The following CD300LF variants were observed in gnomAD, a reference collection of about 807,000 sequenced individuals.
CD300LF encodes CMRF35-like molecule 1.
A neutral mutation model predicts 32.2 loss-of-function variants in CD300LF; 27 were observed. The observed-to-expected ratio is 0.84, with a 90% CI of 0.62 to 1.15. The LOEUF (loss-of-function observed/expected upper bound fraction) is 1.15. Among genes scored for constraint, CD300LF ranks in the 50% most tolerant of loss-of-function variants. CD300LF has a pLI of 0.00. For missense variants in CD300LF, 348 were observed against 356.8 expected (o/e 0.98, Z 0.20); for synonymous variants, 139 against 143.2 (o/e 0.97, Z 0.21).
At chr17:74,712,199 G>T (rs2034013167) in intron 1 of CD300LF, among the ~76,000 whole-genome samples, 1 of 151,934 alleles carries the variant, frequency 6.6e-6, no homozygotes, top group African/African-American at 2.4e-5. Context: ...TCTTTCCCTG[G>T]CCTCCCTTCA....
chr17:74,701,878 G>A (rs1258191838), intron 3 of CD300LF, among the ~76,000 whole-genome samples: 1 of 151,198 alleles, frequency 6.6e-6, no homozygotes, highest in Non-Finnish European at 1.5e-5. Flanking sequence ...AATTAGCTGG[G>A]TGTGGTGGTG....
At chr17:74,708,824 A>C (rs2143870861) in intron 1 of CD300LF, among the ~76,000 whole-genome samples, 1 of 150,434 alleles carries the variant, frequency 6.6e-6, no homozygotes, top group Non-Finnish European at 1.5e-5. Flanking sequence ...CTGAGGCAGG[A>C]GAATGACGTG....
rs767379262 is a variant in CD300LF, at chr17:74,695,765, G to A, written c.677C>T (p.Ser226Phe). ...SPQKATTKLS[S>F]AQVDQVEVEY... ...CACTTCCACCTGGTCAACCTGGGCA[G>A]AGGAAAGCTTCGTGGTAGCCTTTTG... is the stretch of plus-strand genomic sequence containing the variant. The change falls in exon 6 of 7, where the codon TCT becomes TTT. Residue 226 changes from serine to phenylalanine, a missense_variant. Transcript: ENST00000326165. 1.2e-6 allele frequency: 2 copies of A among 1,614,210 alleles called. No homozygotes were observed. The highest frequency in any genetic ancestry group is 1.1e-5 in the South Asian group (1 of 91,092).
At chr17:74,711,091 AT>A (rs1243058470) in intron 1 of CD300LF, among the ~76,000 whole-genome samples, 1 of 151,936 alleles carries the variant, frequency 6.6e-6, no homozygotes, top group Non-Finnish European at 1.5e-5. Context: ...CCGGATGGGT[AT>A]TTTTTTTCTT....
intron 1 of CD300LF, among the ~76,000 whole-genome samples, chr17:74,706,722 G>A (rs546442739): frequency 4.1e-4 from 62 of 152,232 alleles, no homozygotes; most frequent in African/African-American, 1.4e-3. Flanking sequence ...ACAACCAACG[G>A]CGCGGACAGA....
At chr17:74,703,014 G>A (rs370787562) in intron 3 of CD300LF, 21 bp downstream of exon 3, 7 of 1,598,888 alleles carry the variant, frequency 4.4e-6, no homozygotes, top group Non-Finnish European at 6.0e-6. Context: ...GTAGGCCACA[G>A]TGGAACCAGA....
At chr17:74,708,285 T>A (rs1056908660) in intron 1 of CD300LF, among the ~76,000 whole-genome samples, 3 of 152,194 alleles carry the variant, frequency 2.0e-5, no homozygotes, top group African/African-American at 7.2e-5. Context: ...TGTTTAAAAC[T>A]TCCGCCAGAA....
chr17:74,695,960 G>T, intron 5 of CD300LF, 101 bp from the exon 6 acceptor site: 1 of 1,410,742 alleles, frequency 7.1e-7, no homozygotes, highest in Non-Finnish European at 9.7e-7. Context: ...ACTTCCCCAG[G>T]TGCCCCTCTC....
chr17:74,695,130 T>A lies in CD300LF; in HGVS notation c.839A>T (p.Glu280Val), dbSNP rs2032304081. The A allele has an allele frequency of 2.5e-6, 4 of 1,614,084 alleles. No homozygotes were observed. Among genetic ancestry groups the A allele is most frequent in the Non-Finnish European group, 3.4e-6 (4 of 1,179,988 alleles). Residue 280 changes from glutamate (E) to valine (V), a missense_variant, in exon 7 of 7, where the codon GAG becomes GTG. Glu to Val is a moderately radical substitution (Grantham distance 121). Coordinates refer to ENST00000326165, the MANE Select transcript of CD300LF (RefSeq NM_139018.5). ...SSHLPGRGPEEPTEYSTISRP is the reference protein window; with the variant it reads ...SSHLPGRGPEVPTEYSTISRP ...GCTGATGGTGCTGTATTCCGTGGGCTCCTCAGGGCCCCTGCCGGGGAGGTG... is the reference window on the plus strand; with the variant it reads ...GCTGATGGTGCTGTATTCCGTGGGCACCTCAGGGCCCCTGCCGGGGAGGTG...
At chr17:74,696,446 C>G (rs1325445411) in intron 4 of CD300LF, among the ~76,000 whole-genome samples, 1 of 152,196 alleles carries the variant, frequency 6.6e-6, no homozygotes, top group Non-Finnish European at 1.5e-5. Context: ...CACCCCAGCC[C>G]CCTGCTCCCC....
Position 74,695,102 on chromosome 17 carries a change from C to T in CD300LF, c.867G>A (p.Arg289=), listed in dbSNP as rs760066315. The change falls in exon 7 of 7, where the codon AGG becomes AGA. Residue 289 remains arginine, a synonymous_variant. Coordinates refer to ENST00000326165, the MANE Select transcript of CD300LF (RefSeq NM_139018.5). The stretch of plus-strand genomic sequence containing the variant: ...AAGGAGCCTGGAGTGCAGGCTAAGG[C>T]CTGCTGATGGTGCTGTATTCCGTGG... ...EEPTEYSTIS[R]P 1.9e-6 allele frequency: 3 copies of T among 1,613,394 alleles called. No individual in the cohort carries two copies. Among genetic ancestry groups the T allele is most frequent in the East Asian group, 2.2e-5 (1 of 44,868 alleles).
chr17:74,710,369 T>C (rs893346084), intron 1 of CD300LF, among the ~76,000 whole-genome samples: 1 of 152,160 alleles, frequency 6.6e-6, no homozygotes, highest in Non-Finnish European at 1.5e-5. Flanking sequence ...TAATTTTAAA[T>C]GAAAAAGTAT....
intron 6 of CD300LF, 23 bp downstream of exon 6, chr17:74,695,702 A>T (rs367805574): frequency 6.8e-6 from 11 of 1,613,822 alleles, no homozygotes; most frequent in Non-Finnish European, 6.8e-6. Context: ...CCAGCCTCAC[A>T]GCAGCCCCCA....
intron 1 of CD300LF, among the ~76,000 whole-genome samples, chr17:74,710,252 G>A (rs1361733190): frequency 6.6e-6 from 1 of 152,170 alleles, no homozygotes; most frequent in African/African-American, 2.4e-5. Flanking sequence ...TGGGATTACA[G>A]GCGTGAGCCA....
chr17:74,698,210 G>T (rs991946371), intron 4 of CD300LF, among the ~76,000 whole-genome samples, 159 bp downstream of exon 4: 1 of 152,164 alleles, frequency 6.6e-6, no homozygotes. Flanking sequence ...CAAGCTCCAG[G>T]GCGCCCCCCG....
chr17:74,700,348 C>T (rs2032933047), intron 3 of CD300LF, among the ~76,000 whole-genome samples: 2 of 152,082 alleles, frequency 1.3e-5, no homozygotes, highest in African/African-American at 4.8e-5. Context: ...CAGGCACATC[C>T]CCACATTACG....
intron 6 of CD300LF, 141 bp from the exon 7 acceptor site, chr17:74,695,392 C>A: frequency 3.0e-6 from 3 of 1,006,388 alleles, no homozygotes; most frequent in South Asian, 3.2e-5. Flanking sequence ...TCCCCCTTCA[C>A]TCTGCCAAGC....
rs1217714552 is a variant in CD300LF at position 74,695,741 on chromosome 17, A to T, written c.701T>A (p.Val234Glu). The change falls in exon 6 of 7, where the codon GTG becomes GAG. Residue 234 changes from valine to glutamate, a missense_variant. Coordinates refer to ENST00000326165, the MANE Select transcript of CD300LF (RefSeq NM_139018.5). ...AGGACGCACCATGGTGACATATTCCACTTCCACCTGGTCAACCTGGGCAGA... is the reference window on the plus strand; with the variant it reads ...AGGACGCACCATGGTGACATATTCCTCTTCCACCTGGTCAACCTGGGCAGA... ...LSSAQVDQVEVEYVTMASLPK... is the reference protein window; with the variant it reads ...LSSAQVDQVEEEYVTMASLPK... 1.9e-6 allele frequency: 3 copies of T among 1,613,802 alleles called. No individual in the cohort carries two copies. The South Asian group carries it at 3.3e-5, about 18-fold the overall frequency.
At chr17:74,711,434 C>T (rs963893503) in intron 1 of CD300LF, among the ~76,000 whole-genome samples, 5 of 152,224 alleles carry the variant, frequency 3.3e-5, no homozygotes, top group African/African-American at 1.2e-4. Context: ...CAAAGTCTGC[C>T]TTCTCCACTT....
Sources: gnomAD v4.1 joint callset for allele counts (sites outside exome capture counted in the v4.1 genomes callset) on GRCh38, gnomAD v4.1.1 for gene constraint, MANE v1.5 for transcripts, NCBI Gene and HGNC (gene_info 2026-07-23, HGNC 2026-07-21) for gene names.